TBC1D5: variants seen among roughly 807,000 people sequenced by gnomAD.
TBC1D5 encodes the protein TBC1 domain family, member 5.
Under a neutral mutation model 100.3 loss-of-function variants are expected in TBC1D5, and 75 were observed. The observed-to-expected ratio is 0.75, with a 90% CI of 0.62 to 0.91. TBC1D5 has a LOEUF of 0.91. TBC1D5 is among the 40% of genes least tolerant of loss of function. TBC1D5 has a pLI of 0.00. For synonymous variants in TBC1D5, 323 were observed against 325.6 expected, an observed-to-expected ratio of 0.99 and a Z score of 0.09; for missense variants, 910 against 942.4, an observed-to-expected ratio of 0.97 and a Z score of 0.45.
chr3:17,189,043 GT>G (rs1159552972), intron 18 of TBC1D5, among the ~76,000 whole-genome samples: 1 of 152,174 alleles, frequency 6.6e-6, no homozygotes, highest in Non-Finnish European at 1.5e-5. Context: ...ATTTTTCTCA[GT>G]TATTAGCTGT....
chr3:17,404,949 C>T lies in TBC1D5; in HGVS notation c.289G>A (p.Val97Ile). The change falls in exon 6 of 22, where the codon GTT (valine) becomes ATT (isoleucine). Residue 97 changes from valine (V) to isoleucine (I), a missense_variant. By Grantham distance (29) the Val-to-Ile change is conservative (BLOSUM62 3). Coordinates refer to ENST00000253692, the Ensembl canonical transcript of TBC1D5. The stretch of plus-strand genomic sequence containing the variant: ...CATTGACTTTTGTCTTGAGGAAGAA[C>T]ACAAAGAAATAGCTGTCAAGAAAAA... 4 of 1,592,896 alleles carry T rather than the reference C, an allele frequency of 2.5e-6. No individual in the cohort carries two copies. The South Asian group carries it at 4.6e-5, about 18-fold the overall frequency.
rs1330856968 is a variant in TBC1D5 at position 17,690,202 on chromosome 3, A to ATTT, written c.-101+49140_-101+49141insAAA. On this transcript the variant is annotated intron_variant, in intron 1 of 21. Coordinates refer to ENST00000253692, the Ensembl canonical transcript of TBC1D5. Reference sequence around the variant, plus strand: ...AGAGAACTGAAGCATAAAAATAGCCATATTTTTTTTTTTTTTTTTTTTTTT... The same window carrying ATTT: ...AGAGAACTGAAGCATAAAAATAGCCATTTTATTTTTTTTTTTTTTTTTTTTTTT... Among the ~76,000 whole-genome samples, 20 of 61,038 alleles carry ATTT rather than the reference A, an allele frequency of 3.3e-4. 1 individual carries two copies. Among genetic ancestry groups the ATTT allele is most frequent in the African/African-American group, 1.0e-3 (18 of 17,680 alleles). The allele number at this position is 61,038 out of a possible 152,430, so 40.0% of individuals were successfully genotyped here.
chr3:17,579,852 TAAG>T lies in TBC1D5; in HGVS notation c.-36+43994_-36+43996del, dbSNP rs552028006. ...AGCTGGGAACTTGAGCAAGAATGGG[TAAG>T]AAGGGCAACACTGTTGAGAGAGACA... On this transcript the variant is annotated intron_variant, in intron 2 of 21. Transcript: ENST00000253692. Among the ~76,000 whole-genome samples the T allele has an allele frequency of 1.4e-4, 21 of 152,174 alleles. No individual in the cohort carries two copies. In the South Asian group the frequency reaches 2.3e-3, roughly 17 times the overall value.
intron 3 of TBC1D5, among the ~76,000 whole-genome samples, chr3:17,444,844 A>G (rs142991608): frequency 8.0e-4 from 122 of 152,272 alleles, no homozygotes; most frequent in Admixed American, 1.4e-3. Flanking sequence ...CTATCCTAAT[A>G]TAACTTTCAA....
At chr3:17,636,564 G>C (rs968435029) in intron 1 of TBC1D5, among the ~76,000 whole-genome samples, 1 of 152,104 alleles carries the variant, frequency 6.6e-6, no homozygotes, top group Non-Finnish European at 1.5e-5. Flanking sequence ...GGCCGAGGCA[G>C]GCGGATCACA....
intron 2 of TBC1D5, among the ~76,000 whole-genome samples, chr3:17,573,918 T>C (rs1026285330): frequency 3.3e-5 from 5 of 152,084 alleles, no homozygotes; most frequent in Non-Finnish European, 7.4e-5. Context: ...GAAAGAATCA[T>C]ATTTTAACTC....
In TBC1D5 at chr3:17,327,683, C is replaced by T. The variant is rs1446776564; in HGVS notation, c.996-19549G>A. ...TATTAAAAACTGTACTCCTTAGATC[C>T]CTTCCCTATTTATTTTTTTCCATGG... On this transcript the variant is annotated intron_variant, in intron 13 of 21. Coordinates refer to ENST00000253692, the Ensembl canonical transcript of TBC1D5. Among the ~76,000 whole-genome samples, 4 of 152,096 alleles carry T rather than the reference C, an allele frequency of 2.6e-5. No individual in the cohort carries two copies. In the East Asian group the frequency reaches 7.7e-4, roughly 29 times the overall value.
intron 1 of TBC1D5, among the ~76,000 whole-genome samples, chr3:17,650,336 A>G (rs978538393): frequency 1.3e-5 from 2 of 152,186 alleles, no homozygotes; most frequent in Admixed American, 6.5e-5. Context: ...AAGAGAAAAA[A>G]GATGAAAAAG....
At chr3:17,432,418 T>C (rs1333827539) in intron 3 of TBC1D5, among the ~76,000 whole-genome samples, 2 of 152,204 alleles carry the variant, frequency 1.3e-5, no homozygotes, top group Admixed American at 6.5e-5. Flanking sequence ...CAAAGCATAA[T>C]GACTCAGCAT....
intron 19 of TBC1D5, among the ~76,000 whole-genome samples, chr3:17,179,909 G>A (rs143175809): frequency 1.2e-3 from 180 of 152,314 alleles, no homozygotes; most frequent in African/African-American, 4.2e-3. Context: ...CCAGAAGGAT[G>A]AGCAGCTCAT....
At chr3:17,256,741 G>A (rs2077729441) in intron 16 of TBC1D5, among the ~76,000 whole-genome samples, 1 of 152,276 alleles carries the variant, frequency 6.6e-6, no homozygotes, top group Non-Finnish European at 1.5e-5. Context: ...TAGTGGAGAC[G>A]TTGGGGAGAC....
chr3:17,529,115 T>A (rs1315509841), intron 2 of TBC1D5, among the ~76,000 whole-genome samples: 1 of 152,120 alleles, frequency 6.6e-6, no homozygotes, highest in Non-Finnish European at 1.5e-5. Context: ...CATATCACTC[T>A]CCCTATTGAA....
intron 15 of TBC1D5, among the ~76,000 whole-genome samples, chr3:17,270,102 A>T (rs901964893): frequency 6.6e-6 from 1 of 152,180 alleles, no homozygotes; most frequent in African/African-American, 2.4e-5. Flanking sequence ...ACTAATTTAC[A>T]TTCCCATCAA....
chr3:17,548,638 A>C (rs959362205), intron 2 of TBC1D5, among the ~76,000 whole-genome samples: 3 of 152,206 alleles, frequency 2.0e-5, no homozygotes, highest in Admixed American at 6.5e-5. Context: ...ACTAAACATA[A>C]ACATGGTAGG....
At chr3:17,474,094 G>C (rs2095411144) in intron 3 of TBC1D5, among the ~76,000 whole-genome samples, 1 of 152,026 alleles carries the variant, frequency 6.6e-6, no homozygotes, top group Non-Finnish European at 1.5e-5. Flanking sequence ...AAAATTAAGA[G>C]AGATGCAGAC....
intron 18 of TBC1D5, among the ~76,000 whole-genome samples, chr3:17,195,240 T>C (rs2070492758): frequency 6.6e-6 from 1 of 152,244 alleles, no homozygotes; most frequent in Admixed American, 6.5e-5. Context: ...GTGTTGTGTT[T>C]TTATAATTAG....
At chr3:17,587,064 G>A (rs984844854) in intron 2 of TBC1D5, among the ~76,000 whole-genome samples, 6 of 151,958 alleles carry the variant, frequency 3.9e-5, no homozygotes, top group African/African-American at 1.4e-4. Flanking sequence ...AGATGCATCA[G>A]TGATGACAAG....
intron 8 of TBC1D5, among the ~76,000 whole-genome samples, chr3:17,391,310 A>G (rs1575660287): frequency 6.6e-6 from 1 of 152,202 alleles, no homozygotes; most frequent in East Asian, 1.9e-4. Context: ...AGAGATCCAC[A>G]TGGAGAGGAA....
At chr3:17,387,119 T>C (rs1443224079) in intron 8 of TBC1D5, among the ~76,000 whole-genome samples, 1 of 152,068 alleles carries the variant, frequency 6.6e-6, no homozygotes, top group Non-Finnish European at 1.5e-5. Context: ...ATCCATTGCA[T>C]CGAATAAGTA....
Sources: allele counts gnomAD v4.1 joint callset (sites outside exome capture counted in the v4.1 genomes callset), GRCh38; gene constraint gnomAD v4.1.1; transcripts MANE v1.5; gene names NCBI Gene and HGNC (gene_info 2026-07-23, HGNC 2026-07-21).